Variants in PIGN observed in about 807,000 individuals in gnomAD.
PIGN encodes the protein GPI ethanolamine phosphate transferase 1.
PIGN carries 117 observed loss-of-function variants against 125.4 expected under a neutral mutation model. The ratio of observed to expected loss-of-function variants is 0.93; its 90% CI spans 0.80 to 1.09. The LOEUF is 1.09. Ranked by LOEUF, PIGN falls within the 50% of genes least tolerant of loss-of-function variation. The probability of loss-of-function intolerance (pLI) is 0.00; values close to 1 mark genes in which losing one functional copy is unlikely to be tolerated. For missense variants in PIGN, 1,075 were observed against 1,094.9 expected (o/e 0.98, Z 0.26); for synonymous variants, 392 against 377.8 (o/e 1.04, Z -0.44).
intron 23 of PIGN, among the ~76,000 whole-genome samples, chr18:62,093,062 T>C (rs575513785): frequency 2.2e-4 from 34 of 152,240 alleles, no homozygotes; most frequent in African/African-American, 8.2e-4. Flanking sequence ...CTCTGTGTGA[T>C]TGCATAGTGC....
rs2030620854 is a variant in PIGN, at chr18:62,045,725, T to G, written c.*131A>C. On this transcript the variant is annotated 3_prime_UTR_variant, in exon 31 of 31. Coordinates refer to ENST00000640252, the MANE Select transcript of PIGN (RefSeq NM_176787.5). ...TCCAGATAACCTGTCAATTCGGAAT[T>G]CCAAATACCATTTTCCTTACAGGAG... The G allele has an allele frequency of 1.2e-6, 1 of 835,668 alleles. No individual in the cohort carries two copies. Among genetic ancestry groups the G allele is most frequent in the Non-Finnish European group, 1.7e-6 (1 of 572,802 alleles). 51.8% of individuals were successfully genotyped at this position (835,668 alleles called of 1,614,324 possible). A position where few individuals can be genotyped will look rare whatever the true frequency, so the allele number is the denominator to read the frequency against.
chr18:62,039,987 G>A (rs1425647466), downstream of PIGN, among the ~76,000 whole-genome samples: 1 of 79,334 alleles, frequency 1.3e-5, no homozygotes, highest in Non-Finnish European at 2.4e-5. Context: ...CCAGGGTGCC[G>A]CACCCCATGT....
intron 28 of PIGN, 46 bp from the exon 29 acceptor site, chr18:62,074,867 A>G (rs2033093029): frequency 7.4e-7 from 1 of 1,353,414 alleles, no homozygotes. Context: ...CAACAGGTGC[A>G]TTTTTCAAGC....
At chr18:62,166,994 C>A (rs1314836089) in intron 1 of PIGN, among the ~76,000 whole-genome samples, 1 of 152,176 alleles carries the variant, frequency 6.6e-6, no homozygotes, top group Non-Finnish European at 1.5e-5. Flanking sequence ...GTGCAGTAAA[C>A]CACCATGGCA....
chr18:62,076,876 C>T (rs978412903), intron 28 of PIGN, among the ~76,000 whole-genome samples: 2 of 152,098 alleles, frequency 1.3e-5, no homozygotes, highest in African/African-American at 2.4e-5. Context: ...TCCAGTACAA[C>T]CTTCTACCTA....
intron 18 of PIGN, 42 bp downstream of exon 18, chr18:62,106,944 T>A (rs1568181749): frequency 1.3e-6 from 2 of 1,536,250 alleles, no homozygotes; most frequent in Admixed American, 1.9e-5. Context: ...TACAAATATA[T>A]AAAAGAAATT....
intron 22 of PIGN, 34 bp from the exon 23 acceptor site, chr18:62,095,984 T>C (rs2146210500): frequency 1.4e-6 from 2 of 1,399,912 alleles, no homozygotes; most frequent in South Asian, 2.3e-5. Flanking sequence ...TCTGTCAGTA[T>C]AAGAGACACA....
At chr18:62,097,391 T>A (rs113990783) in intron 22 of PIGN, among the ~76,000 whole-genome samples, 1 of 136,310 alleles carries the variant, frequency 7.3e-6, no homozygotes, top group East Asian at 2.1e-4. Context: ...CTCACACCAG[T>A]TAGAATGGCA....
At chr18:62,132,008 C>A (rs906364065) in intron 14 of PIGN, among the ~76,000 whole-genome samples, 3 of 150,360 alleles carry the variant, frequency 2.0e-5, no homozygotes, top group Non-Finnish European at 4.4e-5. Flanking sequence ...TTTCTAAGAA[C>A]AAAAAAAAAT....
intron 6 of PIGN, 143 bp from the exon 7 acceptor site, chr18:62,154,794 G>T: frequency 1.6e-6 from 1 of 607,728 alleles, no homozygotes; most frequent in Non-Finnish European, 2.9e-6. Context: ...GAGAAAAATG[G>T]GAGGAATAAT....
chr18:62,168,725 G>A (rs1256466606), intron 1 of PIGN, among the ~76,000 whole-genome samples: 2 of 151,966 alleles, frequency 1.3e-5, no homozygotes, highest in African/African-American at 4.8e-5. Context: ...CTTTACTGAG[G>A]CATAATTGAC....
intron 22 of PIGN, 121 bp from the exon 23 acceptor site, chr18:62,096,071 G>A (rs1360010570): frequency 3.7e-6 from 2 of 535,388 alleles, no homozygotes; most frequent in East Asian, 6.2e-5. Flanking sequence ...GAGGTGGGCA[G>A]ATCACCTGAG....
chr18:62,086,933 C>G (rs545362149), intron 25 of PIGN, among the ~76,000 whole-genome samples: 3 of 152,042 alleles, frequency 2.0e-5, no homozygotes, highest in Admixed American at 2.0e-4. Flanking sequence ...TATGGTGATG[C>G]CATTAAATGA....
chr18:62,062,633 A>T (rs1318141858), intron 30 of PIGN, among the ~76,000 whole-genome samples: 4 of 152,160 alleles, frequency 2.6e-5, no homozygotes, highest in Admixed American at 6.5e-5. Flanking sequence ...TATTCAGGGC[A>T]GCTCCCATTA....
chr18:62,106,815 G>C lies in PIGN; in HGVS notation c.1741C>G (p.Leu581Val). 6.2e-7 allele frequency: 1 copy of C among 1,608,044 alleles called. No homozygotes were observed. The highest frequency in any genetic ancestry group is 8.5e-7 in the Non-Finnish European group (1 of 1,177,098). The change falls in exon 19 of 31, where the codon CTC (leucine) becomes GTC (valine). Residue 581 changes from leucine to valine, a missense_variant. Transcript: ENST00000640252. Reference sequence around the variant, plus strand: ...TTTGCTCGAGTCCACAGCCGAGTGAGAAATGGCCAAGCTGCAAAGGCAGTA... The same window carrying C: ...TTTGCTCGAGTCCACAGCCGAGTGACAAATGGCCAAGCTGCAAAGGCAGTA... ...GLTAFAAWPF[L>V]TRLWTRAKMT... is the part of the protein sequence containing the mutation.
intron 1 of PIGN, among the ~76,000 whole-genome samples, chr18:62,174,856 G>A (rs936244972): frequency 3.3e-5 from 5 of 150,652 alleles, no homozygotes; most frequent in Non-Finnish European, 7.4e-5. Flanking sequence ...AAAAATCATG[G>A]CTATGAGACA....
intron 1 of PIGN, among the ~76,000 whole-genome samples, chr18:62,168,790 A>G (rs2037244722): frequency 1.3e-5 from 2 of 151,896 alleles, no homozygotes; most frequent in African/African-American, 4.8e-5. Flanking sequence ...AAACCCATCA[A>G]CCTAAAAGTT....
In PIGN at chr18:62,101,175, G is replaced by A; in HGVS notation, c.1977C>T (p.Ser659=). Residue 659 remains serine, a synonymous_variant, in exon 22 of 31, where the codon AGC becomes AGT. Coordinates refer to ENST00000640252, the MANE Select transcript of PIGN (RefSeq NM_176787.5). The part of the protein sequence containing the change: ...ELLVHLLQVL[S]TVLSMYVVYS... ...ACACAACATACATGGAGAGCACTGT[G>A]CTCAGCACCTAAAGACAAAGATGAA... is the stretch of plus-strand genomic sequence containing the variant. 6.3e-7 allele frequency: 1 copy of A among 1,586,716 alleles called. No individual in the cohort carries two copies. Among genetic ancestry groups the A allele is most frequent in the Non-Finnish European group, 8.6e-7 (1 of 1,157,268 alleles).
At chr18:62,029,997 G>A (rs1355287497) in intron 23 of PIGN, among the ~76,000 whole-genome samples, 1 of 152,154 alleles carries the variant, frequency 6.6e-6, no homozygotes. Flanking sequence ...GAAGACCCAG[G>A]GGATGGATAA....
Sources: gnomAD v4.1 joint callset for allele counts (sites outside exome capture counted in the v4.1 genomes callset) on GRCh38, gnomAD v4.1.1 for gene constraint, MANE v1.5 for transcripts, NCBI Gene and HGNC (gene_info 2026-07-23, HGNC 2026-07-21) for gene names.